The following PHKB variants were observed in gnomAD, a reference collection of about 807,000 sequenced individuals.
The protein encoded by PHKB is phosphorylase kinase regulatory subunit beta.
In PHKB, 122 loss-of-function variants were observed where a neutral mutation model predicts 152.1. The ratio of observed to expected loss-of-function variants is 0.80; its 90% CI spans 0.69 to 0.93. The LOEUF (loss-of-function observed/expected upper bound fraction) is 0.93, where lower values mean the gene tolerates loss of function less well. PHKB is among the 40% of genes least tolerant of loss of function. PHKB has a pLI of 0.00. For synonymous variants in PHKB, 436 were observed against 464.9 expected (o/e 0.94, Z 0.80); for missense variants, 1,304 against 1,328.4 (o/e 0.98, Z 0.29).
At chr16:47,656,315 C>T (rs1973337757) in intron 20 of PHKB, among the ~76,000 whole-genome samples, 1 of 152,160 alleles carries the variant, frequency 6.6e-6, no homozygotes, top group South Asian at 2.1e-4. Context: ...CCGCGCCTGG[C>T]CAAGTTTTAC....
intron 6 of PHKB, among the ~76,000 whole-genome samples, chr16:47,534,740 C>G (rs1970921715): frequency 6.6e-6 from 1 of 152,142 alleles, no homozygotes. Flanking sequence ...GTTGTTACCA[C>G]CAGCAAGAAG....
chr16:47,472,520 C>T (rs1444008410), intron 1 of PHKB, among the ~76,000 whole-genome samples: 7 of 152,072 alleles, frequency 4.6e-5, no homozygotes, highest in African/African-American at 9.7e-5. Flanking sequence ...CGGTGGCTCA[C>T]GCCTGTAATC....
Position 47,602,612 on chromosome 16 carries a change from A to T in PHKB, c.1363+6081A>T, listed in dbSNP as rs564196820. Among the ~76,000 whole-genome samples the T allele has an allele frequency of 4.5e-5, 6 of 133,504 alleles. No homozygotes were observed. In the East Asian group the frequency reaches 9.1e-4, roughly 20 times the overall value. 87.6% of individuals were successfully genotyped at this position (133,504 alleles called of 152,430 possible). On this transcript the variant is annotated intron_variant, in intron 13 of 30. Transcript: ENST00000323584. ...GTAGTGAAAGGTGAAGAGTTTGTGG[A>T]TTATGAGCTTAGGAATCAGACAGTC...
intron 28 of PHKB, among the ~76,000 whole-genome samples, chr16:47,694,875 G>A (rs562405078): frequency 1.3e-5 from 2 of 152,244 alleles, no homozygotes; most frequent in South Asian, 4.1e-4. Flanking sequence ...TGGCAGTCTG[G>A]GCCACTTAAC....
chr16:47,586,381 C>G (rs1369027637), intron 8 of PHKB, among the ~76,000 whole-genome samples: 1 of 152,204 alleles, frequency 6.6e-6, no homozygotes, highest in Non-Finnish European at 1.5e-5. Context: ...ACAGAAAGGA[C>G]AGTTTACCAT....
intron 7 of PHKB, among the ~76,000 whole-genome samples, chr16:47,555,991 G>C (rs887061308): frequency 6.6e-6 from 1 of 152,218 alleles, no homozygotes; most frequent in South Asian, 2.1e-4. Context: ...GGTCCTTCAT[G>C]TCCCTTGTAA....
At position 47,511,665 on chromosome 16, in the gene PHKB, G is replaced by C. The variant is rs745316766; in HGVS notation, c.406G>C (p.Val136Leu). 3 of 1,592,078 alleles carry C rather than the reference G, an allele frequency of 1.9e-6. No individual in the cohort carries two copies. Among genetic ancestry groups the C allele is most frequent in the Non-Finnish European group, 2.6e-6 (3 of 1,160,082 alleles). ...LYCYMRQADK[V>L]QQFKQDPRPT... ...TGTTTAATTTTATATTTCATTCTAGGTCCAGCAGTTTAAGCAGGATCCACG... is the reference window on the plus strand; with the variant it reads ...TGTTTAATTTTATATTTCATTCTAGCTCCAGCAGTTTAAGCAGGATCCACG... The change falls in exon 5 of 31, where the codon GTC becomes CTC. Residue 136 changes from valine to leucine, a missense_variant and splice_region_variant. Val to Leu is a conservative substitution (Grantham distance 32, BLOSUM62 1). Coordinates refer to ENST00000323584, the MANE Select transcript of PHKB (RefSeq NM_000293.3).
intron 1 of PHKB, among the ~76,000 whole-genome samples, chr16:47,472,239 C>A (rs557157681): frequency 1.3e-5 from 2 of 152,114 alleles, no homozygotes; most frequent in South Asian, 2.1e-4. Flanking sequence ...TTGATTCAGG[C>A]AGAAGGATGC....
At chr16:47,485,065 T>C (rs1970027213) in intron 1 of PHKB, among the ~76,000 whole-genome samples, 1 of 152,246 alleles carries the variant, frequency 6.6e-6, no homozygotes, top group Non-Finnish European at 1.5e-5. Flanking sequence ...AGGATCATGC[T>C]AAACATCTTT....
Position 47,669,237 on chromosome 16 carries a change from A to T in PHKB, c.2450A>T (p.His817Leu). Residue 817 changes from histidine to leucine, a missense_variant, in exon 26 of 31, where the codon CAT becomes CTT. His to Leu is a moderately conservative substitution (Grantham distance 99). Transcript: ENST00000323584. ...TAGGTAACTCTGGGTGCCTTTGGGC[A>T]TGAAGAAGAAGTTATCTCTAATCCT... ...GKQVTLGAFG[H>L]EEEVISNPLS... 6.2e-7 allele frequency: 1 copy of T among 1,613,956 alleles called. No individual in the cohort carries two copies. Among genetic ancestry groups the T allele is most frequent in the Non-Finnish European group, 8.5e-7 (1 of 1,179,892 alleles).
intron 1 of PHKB, among the ~76,000 whole-genome samples, chr16:47,489,907 A>G (rs1183344284): frequency 6.6e-6 from 1 of 152,232 alleles, no homozygotes; most frequent in East Asian, 1.9e-4. Flanking sequence ...TAAGTTAAGA[A>G]TACTCACAGA....
rs1261771965 is a variant in PHKB, at chr16:47,541,495, C to T, written c.595-5938C>T. ...TCTTTATAGTAGCATGATTTATAATCCTTTGGGAATATACCCAGTAATGGG... is the reference window on the plus strand; with the variant it reads ...TCTTTATAGTAGCATGATTTATAATTCTTTGGGAATATACCCAGTAATGGG... On this transcript the variant is annotated intron_variant, in intron 6 of 30. Coordinates refer to ENST00000323584, the MANE Select transcript of PHKB (RefSeq NM_000293.3). Among the ~76,000 whole-genome samples the T allele has an allele frequency of 2.0e-5, 3 of 152,150 alleles. No individual in the cohort carries two copies. In the East Asian group the frequency reaches 5.8e-4, roughly 29 times the overall value.
Position 47,587,648 on chromosome 16 carries a change from T to C in PHKB, c.775-20T>C. On this transcript the variant is annotated intron_variant, in intron 8 of 30. Transcript: ENST00000323584. Reference sequence around the variant, plus strand: ...TCTTTTTTCTTAATTTAGGAAATGTTTTTCTTTTTCTCTGTCCAGGGCTGT... The same window carrying C: ...TCTTTTTTCTTAATTTAGGAAATGTCTTTCTTTTTCTCTGTCCAGGGCTGT... 1 of 1,590,334 alleles carries C rather than the reference T, an allele frequency of 6.3e-7. No homozygotes were observed. The highest frequency in any genetic ancestry group is 8.6e-7 in the Non-Finnish European group (1 of 1,159,152).
At chr16:47,544,825 C>T (rs570334251) in intron 6 of PHKB, among the ~76,000 whole-genome samples, 1 of 152,312 alleles carries the variant, frequency 6.6e-6, no homozygotes, top group African/African-American at 2.4e-5. Context: ...TCTTGTTGAA[C>T]TGATCCCTTT....
At chr16:47,665,001 C>A (rs939970788) in intron 25 of PHKB, 26 bp downstream of exon 25, 10 of 1,470,208 alleles carry the variant, frequency 6.8e-6, no homozygotes, top group Admixed American at 6.7e-5. Context: ...TTTGAAAACC[C>A]AAGCTGCTTG....
At chr16:47,687,622 T>C (rs768109810) in intron 26 of PHKB, among the ~76,000 whole-genome samples, 5 of 152,258 alleles carry the variant, frequency 3.3e-5, no homozygotes, top group Non-Finnish European at 5.9e-5. Context: ...TAAATATTCA[T>C]TCCATAGTAT....
intron 20 of PHKB, 139 bp downstream of exon 20, chr16:47,651,060 C>T (rs779464608): frequency 2.8e-6 from 2 of 714,500 alleles, no homozygotes; most frequent in Non-Finnish European, 5.0e-6. Flanking sequence ...CCTATTGTCA[C>T]TTTTCCAGTT....
intron 14 of PHKB, among the ~76,000 whole-genome samples, chr16:47,630,003 A>G (rs1198888213): frequency 1.3e-5 from 2 of 148,936 alleles, no homozygotes; most frequent in African/African-American, 2.5e-5. Flanking sequence ...GAAGGGGAAC[A>G]TCACACTCTG....
At chr16:47,680,506 T>C (rs1973829692) in intron 26 of PHKB, among the ~76,000 whole-genome samples, 1 of 152,208 alleles carries the variant, frequency 6.6e-6, no homozygotes, top group Non-Finnish European at 1.5e-5. Context: ...GGAGGGTGTA[T>C]GTGTCGAGGA....
Sources: allele counts gnomAD v4.1 joint callset (sites outside exome capture counted in the v4.1 genomes callset), GRCh38; gene constraint gnomAD v4.1.1; transcripts MANE v1.5; gene names NCBI Gene and HGNC (gene_info 2026-07-23, HGNC 2026-07-21).